The following RBFOX1 variants were observed in gnomAD, a reference collection of about 807,000 sequenced individuals.
RBFOX1 encodes the protein RNA binding protein fox-1 homolog 1.
RBFOX1 carries 8 observed loss-of-function variants against 57.7 expected under a neutral mutation model. That is an observed-to-expected ratio of 0.14 (90% CI 0.08 to 0.25). The LOEUF is 0.25. Ranked by LOEUF, RBFOX1 falls within the 10% of genes least tolerant of loss-of-function variation. RBFOX1 has a pLI of 1.00. For synonymous variants in RBFOX1, 326 were observed against 222.4 expected (o/e 1.47, Z -4.15); for missense variants, 611 against 548.5 (o/e 1.11, Z -1.14).
chr16:6,154,104 A>G (rs1472772723), intron 1 of RBFOX1, among the ~76,000 whole-genome samples: 1 of 152,204 alleles, frequency 6.6e-6, no homozygotes, highest in Non-Finnish European at 1.5e-5. Flanking sequence ...GGGTTTTGAA[A>G]TCAGATGTTC....
At chr16:6,186,430 C>T (rs974715918) in intron 1 of RBFOX1, among the ~76,000 whole-genome samples, 3 of 151,968 alleles carry the variant, frequency 2.0e-5, no homozygotes, top group South Asian at 2.1e-4. Context: ...AGAATGAATA[C>T]ATTGTTCATA....
At chr16:6,935,678 T>G (rs1171064744) in intron 3 of RBFOX1, among the ~76,000 whole-genome samples, 2 of 152,190 alleles carry the variant, frequency 1.3e-5, no homozygotes, top group African/African-American at 4.8e-5. Flanking sequence ...TGTGCCTTAT[T>G]CAAAGGGTGA....
chr16:5,458,644 G>A (rs1444901988), intron 1 of RBFOX1, among the ~76,000 whole-genome samples: 1 of 152,222 alleles, frequency 6.6e-6, no homozygotes, highest in African/African-American at 2.4e-5. Flanking sequence ...TGCTCTTGAA[G>A]GAAGTGCTTT....
chr16:6,961,820 A>C (rs1427432734), intron 3 of RBFOX1, among the ~76,000 whole-genome samples: 1 of 152,150 alleles, frequency 6.6e-6, no homozygotes, highest in Admixed American at 6.5e-5. Context: ...TTAATGTATA[A>C]TGAGCAGTGA....
chr16:7,373,219 C>T (rs1298942258), intron 4 of RBFOX1, among the ~76,000 whole-genome samples: 1 of 152,088 alleles, frequency 6.6e-6, no homozygotes, highest in East Asian at 1.9e-4. Flanking sequence ...AGGTGTGAGC[C>T]ACCGCGTCTG....
At chr16:5,823,930 C>G (rs926660997) in intron 3 of RBFOX1, among the ~76,000 whole-genome samples, 2 of 152,148 alleles carry the variant, frequency 1.3e-5, no homozygotes, top group Non-Finnish European at 2.9e-5. Context: ...TCCCACATCT[C>G]CCTGGTCCAT....
At chr16:6,728,229 G>A (rs916184602) in intron 3 of RBFOX1, among the ~76,000 whole-genome samples, 1 of 152,206 alleles carries the variant, frequency 6.6e-6, no homozygotes, top group East Asian at 1.9e-4. Context: ...TGAAGCTTCT[G>A]CAGGACTGCT....
intron 2 of RBFOX1, among the ~76,000 whole-genome samples, chr16:6,447,599 T>G (rs2094509650): frequency 6.6e-6 from 1 of 152,212 alleles, no homozygotes; most frequent in South Asian, 2.1e-4. Flanking sequence ...GCTATATGCA[T>G]ATGAATGCAT....
chr16:6,623,357 C>T (rs910983478), intron 2 of RBFOX1, among the ~76,000 whole-genome samples: 1 of 152,058 alleles, frequency 6.6e-6, no homozygotes, highest in Non-Finnish European at 1.5e-5. Context: ...GACAGTGAAA[C>T]CCAAATGACA....
chr16:7,418,708 A>G (rs935668242), intron 4 of RBFOX1, among the ~76,000 whole-genome samples: 22 of 152,274 alleles, frequency 1.4e-4, no homozygotes, highest in African/African-American at 4.3e-4. Flanking sequence ...AATTGATGCT[A>G]TCTGCTCTCT....
chr16:7,234,447 A>G (rs1179279359), intron 4 of RBFOX1, among the ~76,000 whole-genome samples: 3 of 152,154 alleles, frequency 2.0e-5, no homozygotes, highest in Admixed American at 2.0e-4. Flanking sequence ...GATGCCATCA[A>G]TAAAATAAGC....
intron 3 of RBFOX1, among the ~76,000 whole-genome samples, chr16:5,836,671 G>T (rs907624171): frequency 6.6e-6 from 1 of 152,156 alleles, no homozygotes; most frequent in Non-Finnish European, 1.5e-5. Flanking sequence ...GTTATTCTTT[G>T]TTGCGGGGGA....
intron 3 of RBFOX1, among the ~76,000 whole-genome samples, chr16:7,015,229 A>G (rs1435897210): frequency 2.0e-5 from 3 of 152,140 alleles, no homozygotes; most frequent in Non-Finnish European, 2.9e-5. Context: ...AGGCATTAGT[A>G]TCATTATAGG....
At chr16:5,323,330 T>A (rs1386329496) in intron 1 of RBFOX1, among the ~76,000 whole-genome samples, 1 of 152,192 alleles carries the variant, frequency 6.6e-6, no homozygotes, top group Non-Finnish European at 1.5e-5. Context: ...TTTACCATTT[T>A]ACCAAAAAGC....
intron 5 of RBFOX1, among the ~76,000 whole-genome samples, chr16:7,557,928 G>A (rs2089204079): frequency 6.6e-6 from 1 of 151,914 alleles, no homozygotes; most frequent in Non-Finnish European, 1.5e-5. Flanking sequence ...TGCAGAAGTG[G>A]ACCATCACGC....
At chr16:7,428,118 C>A (rs140161372) in intron 4 of RBFOX1, among the ~76,000 whole-genome samples, 44 of 152,276 alleles carry the variant, frequency 2.9e-4, no homozygotes, top group African/African-American at 1.1e-3. Context: ...TCCTCCAAAT[C>A]TGAACTCCTT....
At chr16:7,351,972 T>G (rs768736175) in intron 4 of RBFOX1, among the ~76,000 whole-genome samples, 5 of 152,250 alleles carry the variant, frequency 3.3e-5, no homozygotes, top group Admixed American at 2.0e-4. Flanking sequence ...TTTTTGGAGC[T>G]GAAAAGGAAG....
At chr16:7,637,283 AAG>A (rs2061929378) in intron 11 of RBFOX1, among the ~76,000 whole-genome samples, 1 of 150,504 alleles carries the variant, frequency 6.6e-6, no homozygotes, top group African/African-American at 2.5e-5. Flanking sequence ...AAAAAAAAAA[AAG>A]AAGGAAAAAA....
intron 3 of RBFOX1, among the ~76,000 whole-genome samples, chr16:5,776,132 G>T (rs1340551228): frequency 6.6e-6 from 1 of 152,182 alleles, no homozygotes; most frequent in Non-Finnish European, 1.5e-5. Flanking sequence ...AGTTCCCTTG[G>T]CATTACAACG....
Sources: allele counts gnomAD v4.1 joint callset (sites outside exome capture counted in the v4.1 genomes callset), GRCh38; gene constraint gnomAD v4.1.1; transcripts MANE v1.5; gene names NCBI Gene and HGNC (gene_info 2026-07-23, HGNC 2026-07-21).